The following QKI variants were observed in gnomAD, a reference collection of about 807,000 sequenced individuals.
The protein encoded by QKI is KH domain-containing RNA-binding protein QKI.
A neutral mutation model predicts 39.0 loss-of-function variants in QKI; 10 were observed. The observed-to-expected ratio is 0.26, with a 90% confidence interval of 0.16 to 0.43. QKI has a LOEUF of 0.43. Ranked by LOEUF, QKI falls within the 20% of genes least tolerant of loss-of-function variation. The pLI is 1.00. For missense variants in QKI, 218 were observed against 428.0 expected, an observed-to-expected ratio of 0.51 and a Z score of 4.33; for synonymous variants, 204 against 155.4, an observed-to-expected ratio of 1.31 and a Z score of -2.33.
intron 4 of QKI, among the ~76,000 whole-genome samples, chr6:163,552,413 T>C (rs897739686): frequency 5.3e-5 from 8 of 152,058 alleles, no homozygotes; most frequent in African/African-American, 1.9e-4. Context: ...GGTTTCACCG[T>C]GTTAGCCAGG....
intron 3 of QKI, among the ~76,000 whole-genome samples, chr6:163,533,868 A>G (rs1274517179): frequency 2.6e-5 from 4 of 152,180 alleles, no homozygotes; most frequent in African/African-American, 9.7e-5. Flanking sequence ...AGAAGCATTT[A>G]CTGTTAAAAT....
At chr6:163,458,333 A>T (rs1583024119) in intron 2 of QKI, among the ~76,000 whole-genome samples, 1 of 152,198 alleles carries the variant, frequency 6.6e-6, no homozygotes, top group South Asian at 2.1e-4. Flanking sequence ...CTAAAGAGTT[A>T]ATATGAGTGA....
chr6:163,419,447 A>T (rs1349193270), intron 1 of QKI, among the ~76,000 whole-genome samples: 2 of 152,268 alleles, frequency 1.3e-5, no homozygotes, highest in African/African-American at 4.8e-5. Flanking sequence ...GTTGTCAGTA[A>T]TCATCATCTG....
intron 4 of QKI, among the ~76,000 whole-genome samples, chr6:163,544,118 G>C (rs13199835): frequency 0.42 from 64,185 of 151,830 alleles, 16,837 homozygotes; most frequent in East Asian, 0.72. Context: ...ATATACATGG[G>C]TTCCGCACCC....
At position 163,461,805 on chromosome 6, in the gene QKI, T is replaced by A. The variant is rs150317161; in HGVS notation, c.285+6384T>A. Among the ~76,000 whole-genome samples, 12 of 152,296 alleles carry A rather than the reference T, an allele frequency of 7.9e-5. 1 individual carries two copies. The East Asian group carries it at 2.3e-3, about 29-fold the overall frequency. On this transcript the variant is annotated intron_variant, in intron 2 of 7. Transcript: ENST00000361752. ...GTGTCTCCGGGAGTAAAATGGCTAATAACAGAATCTTCCTCATCCTAACCC... is the reference window on the plus strand; with the variant it reads ...GTGTCTCCGGGAGTAAAATGGCTAAAAACAGAATCTTCCTCATCCTAACCC...
rs114311924 is a variant in QKI at position 163,533,452 on chromosome 6, C to T, written c.403-1530C>T. Among the ~76,000 whole-genome samples the T allele has an allele frequency of 3.3e-3, 508 of 152,304 alleles. 3 individuals carry two copies. The highest frequency in any genetic ancestry group is 0.011 in the African/African-American group (475 of 41,564). Reference sequence around the variant, plus strand: ...TATACATTTTATTTGTAAATAACCACATTTTTACTAATAGCATTTGTATTT... The same window carrying T: ...TATACATTTTATTTGTAAATAACCATATTTTTACTAATAGCATTTGTATTT... On this transcript the variant is annotated intron_variant, in intron 3 of 7. Transcript: ENST00000361752.
chr6:163,523,671 A>C (rs1371767190), intron 3 of QKI, among the ~76,000 whole-genome samples: 1 of 152,238 alleles, frequency 6.6e-6, no homozygotes, highest in Admixed American at 6.5e-5. Flanking sequence ...TACTTTGTTT[A>C]TACATATGTG....
At position 163,476,170 on chromosome 6, in the gene QKI, GATA is replaced by G. The variant is rs371482666; in HGVS notation, c.286-2605_286-2603del. Among the ~76,000 whole-genome samples, 24 of 151,868 alleles carry G rather than the reference GATA, an allele frequency of 1.6e-4. 1 individual carries two copies. Among genetic ancestry groups the G allele is most frequent in the African/African-American group, 4.3e-4 (18 of 41,422 alleles). On this transcript the variant is annotated intron_variant, in intron 2 of 7. Transcript: ENST00000361752. Reference sequence around the variant, plus strand: ...AGAATGGTTAAAATATAAAAACACTGATAATAAATATTGGAGAGGAAGTGGATC... The same window carrying G: ...AGAATGGTTAAAATATAAAAACACTGATAAATATTGGAGAGGAAGTGGATC...
chr6:163,529,751 C>G (rs1780741360), intron 3 of QKI, among the ~76,000 whole-genome samples: 1 of 152,166 alleles, frequency 6.6e-6, no homozygotes, highest in African/African-American at 2.4e-5. Flanking sequence ...AGCAGCCAGT[C>G]TCTGTCAAAG....
intron 4 of QKI, among the ~76,000 whole-genome samples, chr6:163,539,817 T>C (rs546294994): frequency 2.0e-5 from 3 of 152,302 alleles, no homozygotes; most frequent in African/African-American, 7.2e-5. Context: ...TGCAGGAAAA[T>C]GCCTATTTCT....
intron 3 of QKI, among the ~76,000 whole-genome samples, chr6:163,486,038 T>C (rs1777650222): frequency 6.6e-6 from 1 of 152,126 alleles, no homozygotes; most frequent in Non-Finnish European, 1.5e-5. Context: ...GGACCGGGGG[T>C]TGGACAAGCT....
chr6:163,498,588 A>C (rs571862750), intron 3 of QKI, among the ~76,000 whole-genome samples: 1 of 151,162 alleles, frequency 6.6e-6, no homozygotes, highest in African/African-American at 2.4e-5. Context: ...TTTTGTTCTT[A>C]TGTCTGTCTC....
intron 3 of QKI, among the ~76,000 whole-genome samples, chr6:163,493,250 C>T (rs1453567571): frequency 6.6e-6 from 1 of 151,746 alleles, no homozygotes; most frequent in Non-Finnish European, 1.5e-5. Flanking sequence ...CCTGCCTCAG[C>T]CTCCTGAATA....
intron 1 of QKI, among the ~76,000 whole-genome samples, chr6:163,427,658 C>T (rs1046126935): frequency 5.9e-5 from 9 of 151,688 alleles, no homozygotes; most frequent in African/African-American, 1.2e-4. Flanking sequence ...ATGTCAGGTG[C>T]GTGCGTGTGT....
intron 3 of QKI, among the ~76,000 whole-genome samples, chr6:163,506,144 G>T (rs1040817814): frequency 1.3e-5 from 2 of 151,132 alleles, no homozygotes; most frequent in African/African-American, 4.9e-5. Flanking sequence ...GGCCTCTCCA[G>T]CCATGCAGAA....
At position 163,483,577 on chromosome 6, in the gene QKI, A is replaced by G. The variant is rs557642262; in HGVS notation, c.402+4681A>G. Reference sequence around the variant, plus strand: ...AAGAAATCACTTTCTCTGCTCATCCATAAGAAGCAACTCCTGATCAAGTTT... The same window carrying G: ...AAGAAATCACTTTCTCTGCTCATCCGTAAGAAGCAACTCCTGATCAAGTTT... On this transcript the variant is annotated intron_variant, in intron 3 of 7. Coordinates refer to ENST00000361752, the MANE Select transcript of QKI (RefSeq NM_006775.3). 2.0e-5 allele frequency among the ~76,000 whole-genome samples: 3 copies of G among 152,312 alleles called. No individual in the cohort carries two copies. The South Asian group carries it at 6.2e-4, about 32-fold the overall frequency.
At chr6:163,442,893 A>G (rs540794828) in intron 1 of QKI, among the ~76,000 whole-genome samples, 300 of 152,292 alleles carry the variant, frequency 2.0e-3, no homozygotes, top group South Asian at 5.2e-3. Context: ...TACTTTTACA[A>G]TCTCAACACA....
chr6:163,531,359 C>T (rs1486543429), intron 3 of QKI, among the ~76,000 whole-genome samples: 3 of 152,138 alleles, frequency 2.0e-5, no homozygotes, highest in African/African-American at 2.4e-5. Context: ...GTTTTACTTC[C>T]TTTCAGAATC....
chr6:163,505,013 C>T (rs758708554), intron 3 of QKI, among the ~76,000 whole-genome samples: 7 of 152,148 alleles, frequency 4.6e-5, no homozygotes, highest in African/African-American at 7.2e-5. Context: ...TCCGGCATTC[C>T]AGCAGCTCCA....
Sources: allele counts gnomAD v4.1 joint callset (sites outside exome capture counted in the v4.1 genomes callset), GRCh38; gene constraint gnomAD v4.1.1; transcripts MANE v1.5; gene names NCBI Gene and HGNC (gene_info 2026-07-23, HGNC 2026-07-21).